The following COL11A1 variants were observed in gnomAD, a reference collection of about 807,000 sequenced individuals.
The protein encoded by COL11A1 is collagen alpha-1(XI) chain.
COL11A1 carries 74 observed loss-of-function variants against 265.2 expected under a neutral mutation model. The observed-to-expected ratio is 0.28, with a 90% CI of 0.23 to 0.34. The LOEUF (loss-of-function observed/expected upper bound fraction) is 0.34. COL11A1 is among the 10% of genes least tolerant of loss of function. COL11A1 has a pLI of 1.00. For synonymous variants in COL11A1, 816 were observed against 727.6 expected, an observed-to-expected ratio of 1.12 and a Z score of -1.96; for missense variants, 2,165 against 2,263.6, an observed-to-expected ratio of 0.96 and a Z score of 0.88.
At chr1:103,009,681 G>A (rs1352670138) in intron 14 of COL11A1, among the ~76,000 whole-genome samples, 17 of 152,116 alleles carry the variant, frequency 1.1e-4, no homozygotes, top group Admixed American at 5.9e-4. Flanking sequence ...ATACTACATC[G>A]TATAAAGTAT....
At chr1:102,985,971 C>A (rs7532572) in intron 30 of COL11A1, among the ~76,000 whole-genome samples, 95,061 of 151,896 alleles carry the variant, frequency 0.63, 31,535 homozygotes, top group East Asian at 0.91. Context: ...AAGTATGAAA[C>A]CCGATAAGAA....
At chr1:102,910,506 A>T (rs1156550304) in intron 54 of COL11A1, among the ~76,000 whole-genome samples, 1 of 152,156 alleles carries the variant, frequency 6.6e-6, no homozygotes, top group Non-Finnish European at 1.5e-5. Context: ...ATTTTGATAT[A>T]GTCTCTCCTT....
intron 41 of COL11A1, among the ~76,000 whole-genome samples, chr1:102,960,350 T>C (rs1570871779): frequency 6.6e-6 from 1 of 152,236 alleles, no homozygotes; most frequent in African/African-American, 2.4e-5. Flanking sequence ...TGTGAGATGA[T>C]TACTGTGCTT....
intron 1 of COL11A1, among the ~76,000 whole-genome samples, chr1:103,093,121 G>A (rs1340949010): frequency 6.6e-6 from 1 of 152,048 alleles, no homozygotes; most frequent in Admixed American, 6.6e-5. Context: ...AGCTTTATGT[G>A]GGTGAGGGTG....
At chr1:102,973,672 T>C (rs996677573) in intron 36 of COL11A1, among the ~76,000 whole-genome samples, 4 of 152,194 alleles carry the variant, frequency 2.6e-5, no homozygotes, top group Admixed American at 2.0e-4. Context: ...GTAAGCATTA[T>C]ATGCAGGTAG....
chr1:102,900,250 G>A (rs941817956), intron 54 of COL11A1, among the ~76,000 whole-genome samples: 2 of 151,996 alleles, frequency 1.3e-5, no homozygotes, highest in East Asian at 3.9e-4. Context: ...CTCTTGAGGT[G>A]GAATCAATAT....
chr1:103,060,799 A>C (rs1670617457), intron 4 of COL11A1, among the ~76,000 whole-genome samples: 1 of 150,198 alleles, frequency 6.7e-6, no homozygotes, highest in African/African-American at 2.4e-5. Flanking sequence ...CTATCTCTAC[A>C]AAAAAATAGA....
rs142169788 is a variant in COL11A1 at position 103,029,633 on chromosome 1, A to G, written c.780+1483T>C. ...ATGCTATATATTATTGCATTACCCA[A>G]CAAGATTGTCATGCAGTTTCTACTG... is the stretch of plus-strand genomic sequence containing the variant. On this transcript the variant is annotated intron_variant, in intron 5 of 66. Coordinates refer to ENST00000370096, the MANE Select transcript of COL11A1 (RefSeq NM_001854.4). Among the ~76,000 whole-genome samples the G allele has an allele frequency of 7.4e-3, 1,133 of 152,172 alleles. 39 individuals carry two copies. Among genetic ancestry groups the G allele is most frequent in the Admixed American group, 0.067 (1,025 of 15,268 alleles).
Position 103,065,569 on chromosome 1 carries a change from C to CAAA in COL11A1, c.651+9046_651+9048dup, listed in dbSNP as rs752434725. Among the ~76,000 whole-genome samples, 55 of 48,352 alleles carry CAAA rather than the reference C, an allele frequency of 1.1e-3. 1 individual carries two copies. The highest frequency in any genetic ancestry group is 3.4e-3 in the African/African-American group (46 of 13,466). The allele number at this position is 48,352 out of a possible 152,430, so 31.7% of individuals were successfully genotyped here. ...AAAAGAAAGCAAACAAACAAACAAA[C>CAAA]AAACAAAAAAAATAGCAACAAAGGC... On this transcript the variant is annotated intron_variant, in intron 4 of 66. Coordinates refer to ENST00000370096, the MANE Select transcript of COL11A1 (RefSeq NM_001854.4).
rs1434619540 is a variant in COL11A1 at position 102,877,097 on chromosome 1, G to A, written c.*922C>T. ...TATTGAAGCACACTGAAAACAAGGA[G>A]ATGAGATAACGTAGAAAAAAAGTAT... On this transcript the variant is annotated 3_prime_UTR_variant, in exon 67 of 67. Coordinates refer to ENST00000370096, the MANE Select transcript of COL11A1 (RefSeq NM_001854.4). 2 of 152,482 alleles carry A rather than the reference G, an allele frequency of 1.3e-5. No individual in the cohort carries two copies. The highest frequency in any genetic ancestry group is 2.4e-5 in the African/African-American group (1 of 41,424). The allele number at this position is 152,482 out of a possible 1,614,324, so 9.4% of individuals were successfully genotyped here.
chr1:103,026,312 G>C lies in COL11A1; in HGVS notation c.801C>G (p.Ile267Met), dbSNP rs780965578. ...QIDEYAPEDI[I>M]EYDYEYGEAE... Reference sequence around the variant, plus strand: ...CTTCCCCATACTCATAGTCATATTCGATTATATCCTCTGGTGCATACTACA... The same window carrying C: ...CTTCCCCATACTCATAGTCATATTCCATTATATCCTCTGGTGCATACTACA... Residue 267 changes from isoleucine to methionine, a missense_variant, in exon 6 of 67, where the codon ATC becomes ATG. Transcript: ENST00000370096. The C allele has an allele frequency of 1.9e-6, 3 of 1,612,602 alleles. No homozygotes were observed. Among genetic ancestry groups the C allele is most frequent in the Non-Finnish European group, 2.5e-6 (3 of 1,178,772 alleles).
chr1:102,961,058 T>C (rs1362477405), intron 41 of COL11A1, among the ~76,000 whole-genome samples: 1 of 152,130 alleles, frequency 6.6e-6, no homozygotes, highest in Non-Finnish European at 1.5e-5. Context: ...CTAATGAATA[T>C]TGTGTGAAAG....
At chr1:103,022,344 T>G (rs1046538943) in intron 8 of COL11A1, among the ~76,000 whole-genome samples, 2 of 152,146 alleles carry the variant, frequency 1.3e-5, no homozygotes, top group African/African-American at 2.4e-5. Flanking sequence ...ACATGTTTTA[T>G]AATGACATCT....
intron 4 of COL11A1, among the ~76,000 whole-genome samples, chr1:103,073,126 T>C (rs1001490668): frequency 1.3e-5 from 2 of 151,842 alleles, no homozygotes; most frequent in Admixed American, 6.6e-5. Context: ...TAAAGAATCC[T>C]TTCAACATTA....
rs544400795 is a variant in COL11A1, at chr1:103,074,685, C to A, written c.584G>T (p.Arg195Ile). 3.7e-6 allele frequency: 6 copies of A among 1,613,390 alleles called. No homozygotes were observed. The Admixed American group carries it at 1.0e-4, about 27-fold the overall frequency. The change falls in exon 4 of 67, where the codon AGA becomes ATA. Residue 195 changes from arginine to isoleucine, a missense_variant. By Grantham distance (97) the Arg-to-Ile change is moderately conservative. Transcript: ENST00000370096. ...KTTKPLDRSE[R>I]AIVDTNGITV... ...GATTCCATTGGTATCAACAATTGCT[C>A]TCTCACTTCTATCAAGTGGTTTCGT...
At chr1:102,983,370 A>G (rs1394840217) in intron 31 of COL11A1, among the ~76,000 whole-genome samples, 1 of 152,094 alleles carries the variant, frequency 6.6e-6, no homozygotes, top group South Asian at 2.1e-4. Flanking sequence ...AAGAAAAAAA[A>G]GTCTTGCCAA....
At chr1:103,048,346 C>T (rs887421916) in intron 4 of COL11A1, among the ~76,000 whole-genome samples, 3 of 152,080 alleles carry the variant, frequency 2.0e-5, no homozygotes, top group South Asian at 2.1e-4. Context: ...ATGTATGTGT[C>T]GAGGAATTTA....
At chr1:102,981,866 C>T (rs563393780) in intron 31 of COL11A1, among the ~76,000 whole-genome samples, 1 of 151,778 alleles carries the variant, frequency 6.6e-6, no homozygotes, top group African/African-American at 2.4e-5. Context: ...CTTTTTAATA[C>T]CTTTATGGTT....
At position 102,914,763 on chromosome 1, in the gene COL11A1, C is replaced by T. The variant is rs1212241628; in HGVS notation, c.3865G>A (p.Ala1289Thr). Reference protein sequence around the residue: ...GEKGEAGPPGAAGPPGAKGPP... With the variant: ...GEKGEAGPPGTAGPPGAKGPP... ...CCCTTGGCACCTGGAGGTCCAGCAG[C>T]TCCAGGTGGACCAGCTTCCCCTTTC... The change falls in exon 51 of 67, where the codon GCT (alanine) becomes ACT (threonine). Residue 1289 changes from alanine (A) to threonine (T), a missense_variant. Physicochemically the swap from Ala to Thr is moderately conservative, Grantham distance 58 (BLOSUM62 0). Coordinates refer to ENST00000370096, the MANE Select transcript of COL11A1 (RefSeq NM_001854.4). 1.2e-6 allele frequency: 2 copies of T among 1,613,272 alleles called. No individual in the cohort carries two copies. Among genetic ancestry groups the T allele is most frequent in the Non-Finnish European group, 1.7e-6 (2 of 1,179,912 alleles).
Sources: allele counts gnomAD v4.1 joint callset (sites outside exome capture counted in the v4.1 genomes callset), GRCh38; gene constraint gnomAD v4.1.1; transcripts MANE v1.5; gene names NCBI Gene and HGNC (gene_info 2026-07-23, HGNC 2026-07-21).